The following ADAMTSL1 variants were observed in gnomAD, a reference collection of about 807,000 sequenced individuals.
ADAMTSL1 encodes the protein ADAMTS like 1.
A neutral mutation model predicts 201.8 loss-of-function variants in ADAMTSL1; 126 were observed. The ratio of observed to expected loss-of-function variants is 0.62; its 90% CI spans 0.54 to 0.72. The LOEUF is 0.72. ADAMTSL1 is among the 30% of genes least tolerant of loss of function. The pLI, the probability that ADAMTSL1 is intolerant of heterozygous loss-of-function variation, is 0.00. For missense variants in ADAMTSL1, 2,679 were observed against 2,277.8 expected, an observed-to-expected ratio of 1.18 and a Z score of -3.59; for synonymous variants, 1,121 against 903.4, an observed-to-expected ratio of 1.24 and a Z score of -4.32.
intron 1 of ADAMTSL1, among the ~76,000 whole-genome samples, chr9:18,109,256 C>G (rs1327173363): frequency 6.6e-6 from 1 of 152,140 alleles, no homozygotes; most frequent in Admixed American, 6.6e-5. Flanking sequence ...CTCTCTTTCC[C>G]TTCCTCATTG....
chr9:18,072,464 T>C (rs1823012773), intron 1 of ADAMTSL1, among the ~76,000 whole-genome samples: 1 of 152,226 alleles, frequency 6.6e-6, no homozygotes, highest in Non-Finnish European at 1.5e-5. Flanking sequence ...CCTGCAAATA[T>C]TGACCTAGTC....
chr9:18,732,175 C>A (rs1564189977), intron 15 of ADAMTSL1, among the ~76,000 whole-genome samples: 1 of 152,122 alleles, frequency 6.6e-6, no homozygotes, highest in African/African-American at 2.4e-5. Flanking sequence ...TGCAGGAAAC[C>A]ATATGATATA....
At chr9:18,205,055 G>A (rs990262058) in intron 2 of ADAMTSL1, among the ~76,000 whole-genome samples, 5 of 152,052 alleles carry the variant, frequency 3.3e-5, no homozygotes, top group African/African-American at 9.7e-5. Context: ...ATCCACAGTG[G>A]TGGAGCCACC....
At chr9:18,209,096 G>T (rs1410492936) in intron 2 of ADAMTSL1, among the ~76,000 whole-genome samples, 1 of 152,166 alleles carries the variant, frequency 6.6e-6, no homozygotes, top group Non-Finnish European at 1.5e-5. Context: ...GTCTGTGTGT[G>T]TGTGTCTGCG....
At chr9:18,297,376 T>G (rs891557359) in intron 2 of ADAMTSL1, among the ~76,000 whole-genome samples, 4 of 152,054 alleles carry the variant, frequency 2.6e-5, no homozygotes, top group African/African-American at 9.7e-5. Context: ...TTTCTTTTTT[T>G]TTTTTAAGTC....
intron 1 of ADAMTSL1, among the ~76,000 whole-genome samples, chr9:18,158,332 A>G (rs1442922551): frequency 6.6e-6 from 1 of 151,976 alleles, no homozygotes; most frequent in Non-Finnish European, 1.5e-5. Context: ...GTAGATGTAT[A>G]TGCTCATGAT....
intron 16 of ADAMTSL1, among the ~76,000 whole-genome samples, chr9:18,767,549 C>T (rs76959165): frequency 0.041 from 6,301 of 152,206 alleles, 472 homozygotes; most frequent in African/African-American, 0.14. Flanking sequence ...CACTGTAAAA[C>T]TAAATTTAAA....
Position 18,777,185 on chromosome 9 carries a change from G to A in ADAMTSL1, c.2956G>A (p.Gly986Ser). The A allele has an allele frequency of 1.2e-6, 2 of 1,612,888 alleles. No homozygotes were observed. Among genetic ancestry groups the A allele is most frequent in the Non-Finnish European group, 1.7e-6 (2 of 1,179,818 alleles). Residue 986 changes from glycine to serine, a missense_variant, in exon 19 of 29, where the codon GGC becomes AGC. By Grantham distance (56) the Gly-to-Ser change is moderately conservative (BLOSUM62 0). Transcript: ENST00000380548. ...SEEEVLAGRK[G>S]GPKEALQTHK... ...GGAAGAGGTGCTTGCGGGGAGGAAGGGCGGCCCGAAGGAGGCCCTGCAGAC... is the reference window on the plus strand; with the variant it reads ...GGAAGAGGTGCTTGCGGGGAGGAAGAGCGGCCCGAAGGAGGCCCTGCAGAC...
intron 3 of ADAMTSL1, among the ~76,000 whole-genome samples, chr9:18,536,539 T>A (rs896105656): frequency 2.0e-5 from 3 of 152,112 alleles, no homozygotes; most frequent in African/African-American, 7.2e-5. Flanking sequence ...AAAGTTAAAG[T>A]TCCCATAATG....
At chr9:18,132,316 C>T (rs990376872) in intron 1 of ADAMTSL1, among the ~76,000 whole-genome samples, 36 of 152,080 alleles carry the variant, frequency 2.4e-4, no homozygotes, top group South Asian at 4.2e-4. Context: ...TATTTTTTCC[C>T]GTCTACCTTT....
chr9:18,034,495 A>G (rs1209023384), intron 1 of ADAMTSL1, among the ~76,000 whole-genome samples: 1 of 152,200 alleles, frequency 6.6e-6, no homozygotes, highest in Non-Finnish European at 1.5e-5. Context: ...TTAAGTATAT[A>G]GAAACATAAA....
chr9:18,587,498 ATTC>A (rs149634243), intron 4 of ADAMTSL1, among the ~76,000 whole-genome samples: 2,058 of 152,266 alleles, frequency 0.014, 43 homozygotes, highest in African/African-American at 0.04. Flanking sequence ...GAGCATTACA[ATTC>A]TTCTTTTCTA....
intron 2 of ADAMTSL1, among the ~76,000 whole-genome samples, chr9:18,317,843 G>A (rs1298590293): frequency 1.3e-5 from 2 of 152,148 alleles, no homozygotes; most frequent in Non-Finnish European, 2.9e-5. Context: ...CTTCCTGAGG[G>A]CAAACACCAG....
chr9:18,696,240 C>G (rs1174121478), intron 13 of ADAMTSL1, among the ~76,000 whole-genome samples: 1 of 152,152 alleles, frequency 6.6e-6, no homozygotes, highest in Non-Finnish European at 1.5e-5. Context: ...ATACTGAGAC[C>G]TGAAAGATGA....
chr9:18,829,743 T>G, intron 22 of ADAMTSL1, 100 bp from the exon 23 acceptor site: 8 of 1,459,828 alleles, frequency 5.5e-6, no homozygotes, highest in Non-Finnish European at 7.5e-6. Flanking sequence ...ATCTTACATA[T>G]ACGCATACAT....
At chr9:18,579,054 G>T (rs892048642) in intron 4 of ADAMTSL1, among the ~76,000 whole-genome samples, 1 of 151,284 alleles carries the variant, frequency 6.6e-6, no homozygotes, top group African/African-American at 2.5e-5. Flanking sequence ...TTCATGTCAT[G>T]TTGCGGCATT....
intron 3 of ADAMTSL1, among the ~76,000 whole-genome samples, chr9:18,566,719 G>A (rs1470533143): frequency 6.6e-6 from 1 of 152,108 alleles, no homozygotes; most frequent in Middle Eastern, 3.2e-3. Context: ...AGGGTGACTG[G>A]AGCTAAGTGA....
At chr9:18,717,763 C>T (rs1302178931) in intron 14 of ADAMTSL1, among the ~76,000 whole-genome samples, 1 of 152,132 alleles carries the variant, frequency 6.6e-6, no homozygotes, top group East Asian at 1.9e-4. Flanking sequence ...TAATCTAGGA[C>T]TATTATATAA....
At chr9:18,894,106 C>T (rs1473205931) in intron 26 of ADAMTSL1, among the ~76,000 whole-genome samples, 1 of 152,210 alleles carries the variant, frequency 6.6e-6, no homozygotes, top group Non-Finnish European at 1.5e-5. Flanking sequence ...ATAAAAGGGT[C>T]TTGTATGCTG....
Sources: allele counts gnomAD v4.1 joint callset (sites outside exome capture counted in the v4.1 genomes callset), GRCh38; gene constraint gnomAD v4.1.1; transcripts MANE v1.5; gene names NCBI Gene and HGNC (gene_info 2026-07-23, HGNC 2026-07-21).